Variants in SND1 observed in about 807,000 individuals in gnomAD.
SND1 encodes staphylococcal nuclease domain-containing protein 1.
In SND1, 38 loss-of-function variants were observed where a neutral mutation model predicts 121.7. That is an observed-to-expected ratio of 0.31 (90% CI 0.24 to 0.41). The LOEUF is 0.41. SND1 is among the 10% of genes least tolerant of loss of function. The pLI is 1.00. For missense variants in SND1, 868 were observed against 1,184.6 expected (o/e 0.73, Z 3.92); for synonymous variants, 401 against 447.4 (o/e 0.90, Z 1.31).
At chr7:127,815,499 AAGG>A (rs1055052070) in intron 11 of SND1, among the ~76,000 whole-genome samples, 3 of 152,018 alleles carry the variant, frequency 2.0e-5, no homozygotes, top group South Asian at 2.1e-4. Context: ...CTAGAAGAAG[AAGG>A]AGGAGGAGGA....
At chr7:127,738,260 C>T (rs1288916145) in intron 10 of SND1, among the ~76,000 whole-genome samples, 1 of 151,078 alleles carries the variant, frequency 6.6e-6, no homozygotes, top group African/African-American at 2.4e-5. Context: ...TCTGGCCTTC[C>T]TAAAAGGTGT....
At chr7:127,699,030 C>G in intron 4 of SND1, 77 bp downstream of exon 4, 1 of 1,161,740 alleles carries the variant, frequency 8.6e-7, no homozygotes, top group Non-Finnish European at 1.3e-6. Flanking sequence ...TGCCCCCAGA[C>G]ATGGGTAACT....
At chr7:127,824,702 CT>C (rs912269761) in intron 11 of SND1, among the ~76,000 whole-genome samples, 7 of 149,326 alleles carry the variant, frequency 4.7e-5, no homozygotes, top group South Asian at 2.1e-4. Flanking sequence ...CTCATGCATT[CT>C]TTTTTTTTTC....
At chr7:128,079,372 C>T (rs1354041213) in intron 17 of SND1, among the ~76,000 whole-genome samples, 1 of 152,276 alleles carries the variant, frequency 6.6e-6, no homozygotes, top group Non-Finnish European at 1.5e-5. Context: ...AGTCCTGCTG[C>T]CTGCCTCCTC....
chr7:127,919,501 T>C (rs1269582332), intron 14 of SND1, among the ~76,000 whole-genome samples: 1 of 152,228 alleles, frequency 6.6e-6, no homozygotes, highest in Non-Finnish European at 1.5e-5. Flanking sequence ...GTGATAAAAA[T>C]TGATCTAAAA....
chr7:127,913,580 T>C (rs1159656124), intron 14 of SND1, among the ~76,000 whole-genome samples: 1 of 152,212 alleles, frequency 6.6e-6, no homozygotes, highest in Non-Finnish European at 1.5e-5. Context: ...GATAACACTC[T>C]ATGATTCTAT....
intron 16 of SND1, chr7:127,998,263 G>C (rs1330042340): frequency 3.7e-6 from 1 of 268,022 alleles, no homozygotes; most frequent in Admixed American, 4.7e-5. Context: ...ATTAAGACTG[G>C]ACACATGGCT....
At chr7:127,667,721 A>G (rs1480535345) in intron 1 of SND1, among the ~76,000 whole-genome samples, 1 of 152,242 alleles carries the variant, frequency 6.6e-6, no homozygotes, top group Non-Finnish European at 1.5e-5. Context: ...TTGTTTGGTA[A>G]ACAATATTAC....
intron 10 of SND1, among the ~76,000 whole-genome samples, chr7:127,774,187 CCTT>C (rs1175805956): frequency 1.3e-5 from 2 of 152,138 alleles, no homozygotes; most frequent in African/African-American, 4.8e-5. Flanking sequence ...CCCCTGAAGA[CCTT>C]CTAAGTGGGA....
intron 14 of SND1, among the ~76,000 whole-genome samples, chr7:127,921,334 CT>C (rs1375228018): frequency 6.6e-6 from 1 of 152,114 alleles, no homozygotes; most frequent in East Asian, 1.9e-4. Flanking sequence ...TTTCTAACCC[CT>C]TGCTTTCTCA....
chr7:127,962,535 G>A (rs993930090), intron 15 of SND1, among the ~76,000 whole-genome samples: 7 of 152,164 alleles, frequency 4.6e-5, no homozygotes, highest in Admixed American at 2.6e-4. Flanking sequence ...CAGAAAGCAG[G>A]ATGTGTATGG....
intron 12 of SND1, chr7:127,858,222 A>G: frequency 1.3e-6 from 1 of 781,482 alleles, no homozygotes; most frequent in East Asian, 2.5e-5. Flanking sequence ...GTTTCCTGGT[A>G]CATGCCAAGG....
chr7:127,675,524 C>T lies in SND1; in HGVS notation c.79-11089C>T, dbSNP rs571701812. On this transcript the variant is annotated intron_variant, in intron 1 of 23. Transcript: ENST00000354725. ...CTAGTCTGTCTTTATGCTTTGTTTT[C>T]TCAGATTGCAACACTTAAGAAAATT... is the stretch of plus-strand genomic sequence containing the variant. Among the ~76,000 whole-genome samples the T allele has an allele frequency of 2.0e-5, 3 of 152,170 alleles. 1 individual carries two copies. Among genetic ancestry groups the T allele is most frequent in the South Asian group, 4.2e-4 (2 of 4,818 alleles).
At chr7:128,068,316 A>G (rs1793352888) in intron 16 of SND1, among the ~76,000 whole-genome samples, 1 of 149,306 alleles carries the variant, frequency 6.7e-6, no homozygotes, top group South Asian at 2.1e-4. Context: ...GTCTAATTGC[A>G]GAGGGCTAGA....
intron 15 of SND1, among the ~76,000 whole-genome samples, chr7:127,983,977 C>T (rs552373016): frequency 6.6e-5 from 10 of 152,188 alleles, no homozygotes; most frequent in Non-Finnish European, 1.3e-4. Context: ...CTTGTGTTTA[C>T]ACCTTTCAAA....
chr7:127,772,618 C>T (rs1797534835), intron 10 of SND1, among the ~76,000 whole-genome samples: 1 of 152,176 alleles, frequency 6.6e-6, no homozygotes, highest in Non-Finnish European at 1.5e-5. Flanking sequence ...TGCCACAATG[C>T]AGAATGTTAA....
chr7:127,694,243 G>A, intron 2 of SND1, among the ~76,000 whole-genome samples: 1 of 152,162 alleles, frequency 6.6e-6, no homozygotes, highest in East Asian at 1.9e-4. Context: ...TTGAGCAGGG[G>A]ATTCACTCTG....
chr7:127,857,359 A>ATTTT (rs34235946), intron 12 of SND1, among the ~76,000 whole-genome samples: 1 of 113,154 alleles, frequency 8.8e-6, no homozygotes, highest in African/African-American at 3.5e-5. Flanking sequence ...CCCCCGGCTA[A>ATTTT]TTTTTTTTTT....
chr7:127,677,543 T>C (rs774756485), intron 1 of SND1, among the ~76,000 whole-genome samples: 2 of 152,236 alleles, frequency 1.3e-5, no homozygotes, highest in Non-Finnish European at 2.9e-5. Context: ...TAATGCTTTA[T>C]ATCAGGGGTT....
Sources: gnomAD v4.1 joint callset for allele counts (sites outside exome capture counted in the v4.1 genomes callset) on GRCh38, gnomAD v4.1.1 for gene constraint, MANE v1.5 for transcripts, NCBI Gene and HGNC (gene_info 2026-07-23, HGNC 2026-07-21) for gene names.